SCN1A: variants seen among roughly 807,000 people sequenced by gnomAD.
SCN1A encodes sodium voltage-gated channel alpha subunit 1, also known as sodium channel protein type 1 subunit alpha.
Under a neutral mutation model 193.7 loss-of-function variants are expected in SCN1A, and 13 were observed. The observed-to-expected ratio is 0.07, with a 90% confidence interval of 0.04 to 0.11. The LOEUF is 0.11. Among genes scored for constraint, SCN1A ranks in the 10% least tolerant of loss-of-function variants. The pLI, the probability that SCN1A is intolerant of heterozygous loss-of-function variation, is 1.00. For missense variants in SCN1A, 1,432 were observed against 2,451.1 expected (o/e 0.58, Z 8.78); for synonymous variants, 781 against 843.6 (o/e 0.93, Z 1.29).
chr2:165,996,346 A>T (rs1690062240), intron 26 of SCN1A: 1 of 365,452 alleles, frequency 2.7e-6, no homozygotes, highest in African/African-American at 2.1e-5. Context: ...ATGAAGACAA[A>T]CACCCCCAAA....
At chr2:166,032,971 GTTTTA>G (rs1417388969) in intron 19 of SCN1A, among the ~76,000 whole-genome samples, 1 of 152,062 alleles carries the variant, frequency 6.6e-6, no homozygotes, top group Non-Finnish European at 1.5e-5. Context: ...CTTCAGAATG[GTTTTA>G]TTAAGAAGAG....
chr2:166,053,185 A>C, intron 7 of SCN1A: 1 of 761,680 alleles, frequency 1.3e-6, no homozygotes. Flanking sequence ...TATTACTTGC[A>C]TGGGTCTTTT....
At chr2:166,026,072 T>G (rs538568172) in intron 19 of SCN1A, among the ~76,000 whole-genome samples, 14 of 152,124 alleles carry the variant, frequency 9.2e-5, no homozygotes, top group Non-Finnish European at 1.6e-4. Flanking sequence ...TATTTTAAAT[T>G]TATTGAGCTT....
chr2:165,995,930 T>A, intron 27 of SCN1A, 83 bp downstream of exon 27: 1 of 913,204 alleles, frequency 1.1e-6, no homozygotes, highest in Non-Finnish European at 1.8e-6. Flanking sequence ...CTACTGGAAA[T>A]GTTAGCTACT....
chr2:166,111,904 A>G (rs376445305), intron 2 of SCN1A, among the ~76,000 whole-genome samples: 1 of 152,190 alleles, frequency 6.6e-6, no homozygotes, highest in South Asian at 2.1e-4. Context: ...ATGTGACTGA[A>G]TTGCTGCAAT....
chr2:165,996,414 G>A, intron 26 of SCN1A: 1 of 260,168 alleles, frequency 3.8e-6, no homozygotes, highest in Admixed American at 5.1e-5. Flanking sequence ...GGCGAAATTT[G>A]GTTCACTGAG....
At chr2:166,096,988 T>C (rs1687452969) in intron 2 of SCN1A, among the ~76,000 whole-genome samples, 1 of 152,098 alleles carries the variant, frequency 6.6e-6, no homozygotes, top group African/African-American at 2.4e-5. Flanking sequence ...AAATACTATA[T>C]ACTTCTTTCT....
At chr2:166,025,752 C>G (rs902810903) in intron 19 of SCN1A, among the ~76,000 whole-genome samples, 4 of 152,042 alleles carry the variant, frequency 2.6e-5, no homozygotes, top group African/African-American at 9.7e-5. Flanking sequence ...TATTTTTTCT[C>G]TTTATGTATA....
At position 165,987,064 on chromosome 2, in the gene SCN1A, A is replaced by G. The variant is rs959491711; in HGVS notation, c.*4181T>C. The G allele has an allele frequency of 2.0e-5, 3 of 152,044 alleles. No homozygotes were observed. The highest frequency in any genetic ancestry group is 6.6e-5 in the Admixed American group (1 of 15,258). 9.4% of individuals were successfully genotyped at this position (152,044 alleles called of 1,614,324 possible). ...CCATCCAGAATTGTGTTTAGTTGTCATAGTTCTTTGACCTCATGGAATTCT... is the reference window on the plus strand; with the variant it reads ...CCATCCAGAATTGTGTTTAGTTGTCGTAGTTCTTTGACCTCATGGAATTCT... On this transcript the variant is annotated 3_prime_UTR_variant, in exon 29 of 29. Coordinates refer to ENST00000674923, the MANE Select transcript of SCN1A (RefSeq NM_001165963.4).
At chr2:166,122,102 A>T (rs1212361349) in intron 2 of SCN1A, among the ~76,000 whole-genome samples, 4 of 152,172 alleles carry the variant, frequency 2.6e-5, no homozygotes, top group Non-Finnish European at 4.4e-5. Context: ...CTGTTATTTA[A>T]GCCACCCTGT....
intron 2 of SCN1A, among the ~76,000 whole-genome samples, chr2:166,119,481 A>G (rs472793): frequency 0.93 from 141,751 of 152,136 alleles, 66,318 homozygotes; most frequent in East Asian, 0.98. Context: ...TTTATTCTTC[A>G]GTATTCTCAA....
chr2:166,126,824 C>T (rs974853699), intron 2 of SCN1A, 100 bp downstream of exon 2: 2 of 152,212 alleles, frequency 1.3e-5, no homozygotes, highest in African/African-American at 4.8e-5. Context: ...ATACCCACCA[C>T]TCCAGACCGA....
chr2:166,100,156 A>G (rs1687882204), intron 2 of SCN1A, among the ~76,000 whole-genome samples: 1 of 139,232 alleles, frequency 7.2e-6, no homozygotes, highest in Admixed American at 7.5e-5. Flanking sequence ...TACTGGTACC[A>G]AAACAGAGAT....
chr2:166,108,143 A>T (rs2106181197), intron 2 of SCN1A, among the ~76,000 whole-genome samples: 1 of 152,266 alleles, frequency 6.6e-6, no homozygotes, highest in South Asian at 2.1e-4. Flanking sequence ...AAATAGGCAG[A>T]AGATTTGGGT....
intron 2 of SCN1A, among the ~76,000 whole-genome samples, chr2:166,115,548 G>C (rs973166259): frequency 1.3e-5 from 2 of 152,074 alleles, no homozygotes; most frequent in Non-Finnish European, 2.9e-5. Context: ...GTATATATGA[G>C]TTTAGAATAG....
chr2:166,076,067 G>A (rs980886853), intron 3 of SCN1A, among the ~76,000 whole-genome samples: 1 of 151,150 alleles, frequency 6.6e-6, no homozygotes, highest in South Asian at 2.1e-4. Context: ...TTTTTGATGT[G>A]TGGTCTTTTA....
intron 4 of SCN1A, among the ~76,000 whole-genome samples, chr2:166,063,966 A>C (rs1255185806): frequency 6.6e-6 from 1 of 152,130 alleles, no homozygotes; most frequent in Non-Finnish European, 1.5e-5. Flanking sequence ...TTGTTCAGCA[A>C]GCTCATACCT....
intron 19 of SCN1A, among the ~76,000 whole-genome samples, chr2:166,023,419 C>T (rs373787761): frequency 1.1e-4 from 16 of 152,204 alleles, no homozygotes; most frequent in Admixed American, 2.6e-4. Flanking sequence ...TTACTTTCTG[C>T]GTGGCTTTGC....
At chr2:166,001,819 AGAC>A (rs1291375889) in intron 24 of SCN1A, among the ~76,000 whole-genome samples, 3 of 151,290 alleles carry the variant, frequency 2.0e-5, no homozygotes, top group Non-Finnish European at 4.4e-5. Flanking sequence ...ATTTGAGATA[AGAC>A]AACAGCTGCT....
Sources: gnomAD v4.1 joint callset for allele counts (sites outside exome capture counted in the v4.1 genomes callset) on GRCh38, gnomAD v4.1.1 for gene constraint, MANE v1.5 for transcripts, NCBI Gene and HGNC (gene_info 2026-07-23, HGNC 2026-07-21) for gene names.